Variants in TRIM71 observed in about 807,000 individuals in gnomAD.
The protein encoded by TRIM71 is tripartite motif containing 71.
TRIM71 carries 9 observed loss-of-function variants against 61.2 expected under a neutral mutation model. The ratio of observed to expected loss-of-function variants is 0.15; its 90% CI spans 0.09 to 0.26. The LOEUF (loss-of-function observed/expected upper bound fraction) is 0.26. TRIM71 is among the 10% of genes least tolerant of loss of function. The pLI is 1.00. For missense variants in TRIM71, 998 were observed against 1,238.7 expected, an observed-to-expected ratio of 0.81 and a Z score of 2.92; for synonymous variants, 645 against 553.2, an observed-to-expected ratio of 1.17 and a Z score of -2.33.
At position 32,891,852 on chromosome 3, in the gene TRIM71, G is replaced by GTCTCTC. The variant is rs10630076; in HGVS notation, c.*57_*62dup. The GTCTCTC allele has an allele frequency of 2.5e-4, 360 of 1,440,116 alleles. No individual in the cohort carries two copies. Among genetic ancestry groups the GTCTCTC allele is most frequent in the African/African-American group, 3.4e-4 (24 of 70,134 alleles). The allele number at this position is 1,440,116 out of a possible 1,614,324, so 89.2% of individuals were successfully genotyped here. On this transcript the variant is annotated 3_prime_UTR_variant, in exon 4 of 4. Coordinates refer to ENST00000383763, the MANE Select transcript of TRIM71 (RefSeq NM_001039111.3). This position sits in a 1 kb window ranked among gnomAD's most constrained non-coding sequence, Gnocchi z 8.2. The stretch of plus-strand genomic sequence containing the variant: ...TTCTGTGTTTGGGGTGTGTGTGCGT[G>GTCTCTC]TCTCTCTCTCTCTCTCTCTCTTTCT...
intron 1 of TRIM71, among the ~76,000 whole-genome samples, chr3:32,854,044 CT>C (rs1696569689): frequency 6.6e-6 from 1 of 152,094 alleles, no homozygotes. Flanking sequence ...GTGTTGGCCC[CT>C]TTGGGCGATC....
At chr3:32,885,696 G>A (rs1696954586) in intron 2 of TRIM71, among the ~76,000 whole-genome samples, 1 of 152,190 alleles carries the variant, frequency 6.6e-6, no homozygotes, top group Non-Finnish European at 1.5e-5. Flanking sequence ...GACATTCACT[G>A]TGTAGGTGCT....
intron 1 of TRIM71, among the ~76,000 whole-genome samples, chr3:32,829,074 A>G (rs772053630): frequency 5.3e-5 from 8 of 151,126 alleles, no homozygotes; most frequent in Non-Finnish European, 8.8e-5. Flanking sequence ...GCTCACTGCA[A>G]CCTCCGCTTC....
At position 32,890,827 on chromosome 3, in the gene TRIM71, T is replaced by C. The variant is rs1258030636; in HGVS notation, c.1623T>C (p.Ser541=). The change falls in exon 4 of 4, where the codon AGT becomes AGC. Residue 541 remains serine, a synonymous_variant. Coordinates refer to ENST00000383763, the MANE Select transcript of TRIM71 (RefSeq NM_001039111.3). The surrounding 1 kb of genome is among the most constrained non-coding windows in gnomAD (Gnocchi z 6.2). ...PDGNLFGAEV[S]DQQNGTYVVS... is the part of the protein sequence containing the mutation. ...GCAACCTGTTTGGTGCAGAGGTGAGTGATCAGCAGAATGGGACATACGTGG... is the reference window on the plus strand; with the variant it reads ...GCAACCTGTTTGGTGCAGAGGTGAGCGATCAGCAGAATGGGACATACGTGG... 6.2e-7 allele frequency: 1 copy of C among 1,613,886 alleles called. No homozygotes were observed. The highest frequency in any genetic ancestry group is 1.1e-5 in the South Asian group (1 of 91,066).
chr3:32,854,541 G>A (rs1298557343), intron 1 of TRIM71, among the ~76,000 whole-genome samples: 1 of 152,182 alleles, frequency 6.6e-6, no homozygotes, highest in Non-Finnish European at 1.5e-5. Context: ...AATTAGCTGT[G>A]TGCAGAACTG....
chr3:32,858,082 AAGAG>A (rs774626773), intron 1 of TRIM71, among the ~76,000 whole-genome samples: 2 of 152,132 alleles, frequency 1.3e-5, no homozygotes, highest in African/African-American at 2.4e-5. Context: ...GCTGAGGAGG[AAGAG>A]AGAGAGGAGG....
chr3:32,868,085 G>A (rs1022991812), intron 1 of TRIM71, among the ~76,000 whole-genome samples: 1 of 152,094 alleles, frequency 6.6e-6, no homozygotes, highest in Non-Finnish European at 1.5e-5. Context: ...TGCTCCTCTT[G>A]TAGGCCCCTT....
At chr3:32,839,654 CTT>C (rs143600217) in intron 1 of TRIM71, among the ~76,000 whole-genome samples, 1 of 83,782 alleles carries the variant, frequency 1.2e-5, no homozygotes, top group African/African-American at 5.3e-5. Flanking sequence ...GATTATTGAG[CTT>C]TTTTTGGGGG....
At chr3:32,840,064 G>A (rs1193748666) in intron 1 of TRIM71, among the ~76,000 whole-genome samples, 1 of 152,198 alleles carries the variant, frequency 6.6e-6, no homozygotes, top group African/African-American at 2.4e-5. Flanking sequence ...TGCTTTGTAA[G>A]TCTGCCTCAA....
intron 1 of TRIM71, among the ~76,000 whole-genome samples, chr3:32,844,193 T>C (rs938240337): frequency 5.3e-5 from 8 of 152,150 alleles, no homozygotes; most frequent in Non-Finnish European, 1.0e-4. Flanking sequence ...CCCATGGAGA[T>C]TCTGATTCTC....
rs1230337899 is a variant in TRIM71 at position 32,892,803 on chromosome 3, C to T, written c.*992C>T. Reference sequence around the variant, plus strand: ...GGAAAAAGGAAATTAACCTCGTTCTCAGAGAGAGGGTTTTCAGGCATGGGC... The same window carrying T: ...GGAAAAAGGAAATTAACCTCGTTCTTAGAGAGAGGGTTTTCAGGCATGGGC... On this transcript the variant is annotated 3_prime_UTR_variant, in exon 4 of 4. Transcript: ENST00000383763. The T allele has an allele frequency of 6.6e-6, 1 of 152,180 alleles. No homozygotes were observed. The highest frequency in any genetic ancestry group is 2.4e-5 in the African/African-American group (1 of 41,432). The allele number at this position is 152,180 out of a possible 1,614,324, so 9.4% of individuals were successfully genotyped here. A position where few individuals can be genotyped will look rare whatever the true frequency, so the allele number is the denominator to read the frequency against.
At chr3:32,835,033 G>GTCT (rs751298113) in intron 1 of TRIM71, among the ~76,000 whole-genome samples, 92 of 151,954 alleles carry the variant, frequency 6.1e-4, no homozygotes, top group Non-Finnish European at 6.6e-4. Context: ...AAAACCAATT[G>GTCT]TCTTCCCCAT....
At chr3:32,885,359 T>A (rs1447666084) in intron 2 of TRIM71, among the ~76,000 whole-genome samples, 1 of 152,190 alleles carries the variant, frequency 6.6e-6, no homozygotes, top group African/African-American at 2.4e-5. Context: ...GACGTGTAGA[T>A]GGTCTCTGAC....
At position 32,896,470 on chromosome 3, in the gene TRIM71, T is replaced by G. The variant is rs1697079141; in HGVS notation, c.*4659T>G. 1 of 152,200 alleles carries G rather than the reference T, an allele frequency of 6.6e-6. No homozygotes were observed. Among genetic ancestry groups the G allele is most frequent in the African/African-American group, 2.4e-5 (1 of 41,440 alleles). 9.4% of individuals were successfully genotyped at this position (152,200 alleles called of 1,614,324 possible). A position where few individuals can be genotyped will look rare whatever the true frequency, so the allele number is the denominator to read the frequency against. ...TTTTTTTTCCTTGTTTATTAAATAC[T>G]TGATAAAGTTGAGAAGCACATTACC... On this transcript the variant is annotated 3_prime_UTR_variant, in exon 4 of 4. Coordinates refer to ENST00000383763, the MANE Select transcript of TRIM71 (RefSeq NM_001039111.3).
chr3:32,818,135 T>A lies in TRIM71; in HGVS notation c.55T>A (p.Cys19Ser), dbSNP rs750212860. 1 of 1,611,290 alleles carries A rather than the reference T, an allele frequency of 6.2e-7. No individual in the cohort carries two copies. Among genetic ancestry groups the A allele is most frequent in the African/African-American group, 1.3e-5 (1 of 74,648 alleles). ...GATCTGCTTGCTGTGCAAGGAGATG[T>A]GCGGCTCGCCGGCGCCGCTCTCCTC... is the stretch of plus-strand genomic sequence containing the variant. ...FQICLLCKEM[C>S]GSPAPLSSNS... Residue 19 changes from cysteine (C) to serine (S), a missense_variant, in exon 1 of 4, where the codon TGC (cysteine) becomes AGC (serine). By Grantham distance (112) the Cys-to-Ser change is moderately radical (BLOSUM62 -1). Coordinates refer to ENST00000383763, the MANE Select transcript of TRIM71 (RefSeq NM_001039111.3).
At chr3:32,834,044 A>G (rs975306044) in intron 1 of TRIM71, among the ~76,000 whole-genome samples, 3 of 152,218 alleles carry the variant, frequency 2.0e-5, no homozygotes, top group African/African-American at 7.2e-5. Flanking sequence ...TTTAATTTTT[A>G]AAACCACATA....
intron 1 of TRIM71, among the ~76,000 whole-genome samples, chr3:32,839,547 A>AG (rs1696379082): frequency 6.6e-6 from 1 of 151,500 alleles, no homozygotes. Context: ...GTTACCAAGG[A>AG]GGAACGTCTG....
chr3:32,866,138 A>T (rs1044013908), intron 1 of TRIM71, among the ~76,000 whole-genome samples: 1 of 151,278 alleles, frequency 6.6e-6, no homozygotes, highest in African/African-American at 2.4e-5. Flanking sequence ...ACTTACTTTT[A>T]AAACATGATG....
chr3:32,819,968 C>T lies in TRIM71; in HGVS notation c.852+1036C>T, dbSNP rs546109011. Among the ~76,000 whole-genome samples, 6 of 152,368 alleles carry T rather than the reference C, an allele frequency of 3.9e-5. No homozygotes were observed. In the East Asian group the frequency reaches 1.2e-3, roughly 29 times the overall value. On this transcript the variant is annotated intron_variant, in intron 1 of 3. Coordinates refer to ENST00000383763, the MANE Select transcript of TRIM71 (RefSeq NM_001039111.3). ...ACATTTGCTTTTCACACAGTGTGAC[C>T]CCTTTCTCCTTTCCACTTTGGTATT...
Sources: allele counts gnomAD v4.1 joint callset (sites outside exome capture counted in the v4.1 genomes callset), GRCh38; gene constraint gnomAD v4.1.1; non-coding constraint Gnocchi (gnomAD v3.1); transcripts MANE v1.5; gene names NCBI Gene and HGNC (gene_info 2026-07-23, HGNC 2026-07-21).